The following PPP1R15B variants were observed in gnomAD, a reference collection of about 807,000 sequenced individuals.
PPP1R15B encodes the protein protein phosphatase 1, regulatory (inhibitor) subunit 15B.
Under a neutral mutation model 53.9 loss-of-function variants are expected in PPP1R15B, and 31 were observed. The observed-to-expected ratio is 0.58, with a 90% CI of 0.43 to 0.78. The LOEUF (loss-of-function observed/expected upper bound fraction) is 0.78. Ranked by LOEUF, PPP1R15B falls within the 30% of genes least tolerant of loss-of-function variation. The pLI is 0.00. For synonymous variants in PPP1R15B, 345 were observed against 329.1 expected (o/e 1.05, Z -0.52); for missense variants, 928 against 849.6 (o/e 1.09, Z -1.15).
rs990652180 is a variant in PPP1R15B at position 204,409,902 on chromosome 1, G to T, written c.1510C>A (p.Pro504Thr). The T allele has an allele frequency of 3.1e-6, 5 of 1,613,926 alleles. No individual in the cohort carries two copies. In the African/African-American group the frequency reaches 5.3e-5, roughly 17 times the overall value. The change falls in exon 1 of 2, where the codon CCT becomes ACT. Residue 504 changes from proline (P) to threonine (T), a missense_variant. Transcript: ENST00000367188. ...TTCTCTGAATCAGAAGGCTCTTCAG[G>T]AACAATTCTGGCAGCAGTCTGAATT... ...ATIQTAARIV[P>T]EEPSDSEKDL... is the part of the protein sequence containing the mutation.
In PPP1R15B at chr1:204,409,927, T is replaced by A; in HGVS notation, c.1485A>T (p.Thr495=). 1.2e-6 allele frequency: 2 copies of A among 1,614,108 alleles called. No homozygotes were observed. Among genetic ancestry groups the A allele is most frequent in the Non-Finnish European group, 1.7e-6 (2 of 1,180,020 alleles). ...GAACAATTCTGGCAGCAGTCTGAAT[T>A]GTTGCTGTAAAGTTCTGGGGATTAT... ...DPYNPQNFTA[T]IQTAARIVPE... is the part of the protein sequence containing the mutation. Residue 495 remains threonine (T), a synonymous_variant, in exon 1 of 2, where the codon ACA becomes ACT. Coordinates refer to ENST00000367188, the MANE Select transcript of PPP1R15B (RefSeq NM_032833.5).
chr1:204,400,844 T>A, downstream of PPP1R15B: 1 of 388,558 alleles, frequency 2.6e-6, no homozygotes, highest in Non-Finnish European at 3.5e-6. Context: ...GGAGGAAACA[T>A]AAAGGATATT....
At position 204,406,251 on chromosome 1, in the gene PPP1R15B, T is replaced by A; in HGVS notation, c.1983A>T (p.Pro661=). The part of the protein sequence containing the change: ...YISGDEDRKG[P]WEEFARDGCR... Reference sequence around the variant, plus strand: ...ATCCATCCCTTGCAAATTCTTCCCATGGTCCTTTGCGATCCTCATCACCAC... The same window carrying A: ...ATCCATCCCTTGCAAATTCTTCCCAAGGTCCTTTGCGATCCTCATCACCAC... Residue 661 remains proline, a synonymous_variant, in exon 2 of 2, where the codon CCA becomes CCT. Transcript: ENST00000367188. 6.2e-7 allele frequency: 1 copy of A among 1,614,182 alleles called. No individual in the cohort carries two copies. The highest frequency in any genetic ancestry group is 1.1e-5 in the South Asian group (1 of 91,086).
rs1674250122 is a variant in PPP1R15B, at chr1:204,405,533, A to T, written c.*559T>A. Reference sequence around the variant, plus strand: ...TCCAAGTCATTTTTACAAGAAAAAAAAAAGTGACACAAAATAATGCACTTT... The same window carrying T: ...TCCAAGTCATTTTTACAAGAAAAAATAAAGTGACACAAAATAATGCACTTT... On this transcript the variant is annotated 3_prime_UTR_variant, in exon 2 of 2. Coordinates refer to ENST00000367188, the MANE Select transcript of PPP1R15B (RefSeq NM_032833.5). The T allele has an allele frequency of 1.0e-6, 1 of 983,488 alleles. No homozygotes were observed. The highest frequency in any genetic ancestry group is 4.7e-5 in the South Asian group (1 of 21,256). 60.9% of individuals were successfully genotyped at this position (983,488 alleles called of 1,614,324 possible). A position where few individuals can be genotyped will look rare whatever the true frequency, so the allele number is the denominator to read the frequency against.
chr1:204,411,057 T>TG lies in PPP1R15B; in HGVS notation c.354dup (p.Thr119HisfsTer23). 2 of 1,614,120 alleles carry TG rather than the reference T, an allele frequency of 1.2e-6. No homozygotes were observed. The highest frequency in any genetic ancestry group is 1.7e-6 in the Non-Finnish European group (2 of 1,180,012). On this transcript the variant is annotated frameshift_variant, in exon 1 of 2. Coordinates refer to ENST00000367188, the MANE Select transcript of PPP1R15B (RefSeq NM_032833.5). LOFTEE classifies it high-confidence loss of function. Reference sequence around the variant, plus strand: ...AGCGAACTCAAAGATTTCTGCGCTGTGGGGGCGGCTGGTTTCTCCCGTCCC... The same window carrying TG: ...AGCGAACTCAAAGATTTCTGCGCTGTGGGGGGCGGCTGGTTTCTCCCGTCCC...
downstream of PPP1R15B, among the ~76,000 whole-genome samples, chr1:204,400,236 CAAA>C (rs369757663): frequency 2.4e-5 from 3 of 123,024 alleles, no homozygotes; most frequent in Admixed American, 8.3e-5. Flanking sequence ...GACACTGTCT[CAAA>C]AAAAAAAAAA....
chr1:204,405,778 T>C lies in PPP1R15B; in HGVS notation c.*314A>G. The stretch of plus-strand genomic sequence containing the variant: ...ATATTGTTTTCCAAGAAAATAAGTT[T>C]TGAAAGTGCAAAATGACAACTCAAA... On this transcript the variant is annotated 3_prime_UTR_variant, in exon 2 of 2. Transcript: ENST00000367188. The C allele has an allele frequency of 1.9e-6, 2 of 1,053,878 alleles. No individual in the cohort carries two copies. Among genetic ancestry groups the C allele is most frequent in the Non-Finnish European group, 2.3e-6 (2 of 871,808 alleles). 65.3% of individuals were successfully genotyped at this position (1,053,878 alleles called of 1,614,324 possible).
rs1353183050 is a variant in PPP1R15B at position 204,404,522 on chromosome 1, G to A, written c.*1570C>T. ...AAAAAACAAAAAACACACAGAATAA[G>A]GGCTCTGCAAAAATTTGACCAGCTT... On this transcript the variant is annotated 3_prime_UTR_variant, in exon 2 of 2. Coordinates refer to ENST00000367188, the MANE Select transcript of PPP1R15B (RefSeq NM_032833.5). The A allele has an allele frequency of 2.1e-5, 21 of 985,098 alleles. No individual in the cohort carries two copies. The highest frequency in any genetic ancestry group is 2.4e-5 in the Non-Finnish European group (20 of 829,554). The allele number at this position is 985,098 out of a possible 1,614,324, so 61.0% of individuals were successfully genotyped here. A position where few individuals can be genotyped will look rare whatever the true frequency, so the allele number is the denominator to read the frequency against.
chr1:204,403,862 T>C lies in PPP1R15B; in HGVS notation c.*2230A>G. 1.0e-6 allele frequency: 1 copy of C among 985,844 alleles called. No homozygotes were observed. The highest frequency in any genetic ancestry group is 1.2e-6 in the Non-Finnish European group (1 of 829,940). The allele number at this position is 985,844 out of a possible 1,614,324, so 61.1% of individuals were successfully genotyped here. ...TCCTTCTTATCACCTTCTGATCACT[T>C]CTTCCAAGGAGGCTAGTATATGGAA... On this transcript the variant is annotated 3_prime_UTR_variant, in exon 2 of 2. Transcript: ENST00000367188.
downstream of PPP1R15B, among the ~76,000 whole-genome samples, chr1:204,402,296 T>C (rs1030511339): frequency 6.6e-6 from 1 of 152,242 alleles, no homozygotes; most frequent in African/African-American, 2.4e-5. Context: ...TTTCATCCAT[T>C]AATAGGGTTG....
At chr1:204,402,605 G>A (rs1674196727), downstream of PPP1R15B, among the ~76,000 whole-genome samples, 2 of 151,428 alleles carry the variant, frequency 1.3e-5, no homozygotes. Flanking sequence ...TTTTTTTGTA[G>A]AGGAAAGTGT....
In PPP1R15B at chr1:204,405,565, G is replaced by C; in HGVS notation, c.*527C>G. ...ACACAAAATAATGCACTTTAAGTTG[G>C]TAGCATACACAAGGTTATTTTTTAG... On this transcript the variant is annotated 3_prime_UTR_variant, in exon 2 of 2. Coordinates refer to ENST00000367188, the MANE Select transcript of PPP1R15B (RefSeq NM_032833.5). The C allele has an allele frequency of 1.0e-6, 1 of 980,268 alleles. No homozygotes were observed. The allele number at this position is 980,268 out of a possible 1,614,324, so 60.7% of individuals were successfully genotyped here. A position where few individuals can be genotyped will look rare whatever the true frequency, so the allele number is the denominator to read the frequency against.
chr1:204,400,579 G>A (rs978414246), downstream of PPP1R15B: 22 of 174,190 alleles, frequency 1.3e-4, no homozygotes, highest in Admixed American at 5.9e-4. Context: ...TCCCACCTTG[G>A]CCTCCCAAAG....
rs148583191 is a variant in PPP1R15B at position 204,408,782 on chromosome 1, C to A, written c.1920+710G>T. 4.1e-3 allele frequency among the ~76,000 whole-genome samples: 623 copies of A among 152,278 alleles called. 5 individuals carry two copies. The highest frequency in any genetic ancestry group is 0.014 in the African/African-American group (602 of 41,526). On this transcript the variant is annotated intron_variant, in intron 1 of 1. Transcript: ENST00000367188. ...TTAAGACTAGCCTGGGAAAAGGAAG[C>A]AACTAGTCAAGATAAACCAAGTAAG...
rs530100705 is a variant in PPP1R15B at position 204,404,000 on chromosome 1, T to C, written c.*2092A>G. The C allele has an allele frequency of 8.1e-6, 8 of 985,296 alleles. No homozygotes were observed. The highest frequency in any genetic ancestry group is 9.6e-6 in the Non-Finnish European group (8 of 829,918). 61.0% of individuals were successfully genotyped at this position (985,296 alleles called of 1,614,324 possible). On this transcript the variant is annotated 3_prime_UTR_variant, in exon 2 of 2. Transcript: ENST00000367188. ...ATTATTTTCAAATACACAGAGGTGCTAGGTTTAAGAAACAGGAAACACAAC... is the reference window on the plus strand; with the variant it reads ...ATTATTTTCAAATACACAGAGGTGCCAGGTTTAAGAAACAGGAAACACAAC...
chr1:204,397,264 C>A (rs1248613468), downstream of PPP1R15B, among the ~76,000 whole-genome samples: 2 of 151,946 alleles, frequency 1.3e-5, no homozygotes, highest in Admixed American at 6.6e-5. Flanking sequence ...ATGGCTCACG[C>A]CTGTAATCCC....
In PPP1R15B at chr1:204,411,740, G is replaced by A. The variant is rs1437038884; in HGVS notation, c.-329C>T. The A allele has an allele frequency of 9.8e-6, 4 of 407,588 alleles. No homozygotes were observed. The highest frequency in any genetic ancestry group is 1.8e-5 in the Non-Finnish European group (4 of 223,474). The allele number at this position is 407,588 out of a possible 1,614,324, so 25.2% of individuals were successfully genotyped here. ...GGCGATGGTTTTCCGACTGACAGAGGGTTGAAAAGCCCCTGAGCAACGCGA... is the reference window on the plus strand; with the variant it reads ...GGCGATGGTTTTCCGACTGACAGAGAGTTGAAAAGCCCCTGAGCAACGCGA... On this transcript the variant is annotated 5_prime_UTR_variant, in exon 1 of 2. Coordinates refer to ENST00000367188, the MANE Select transcript of PPP1R15B (RefSeq NM_032833.5).
Position 204,403,480 on chromosome 1 carries a change from TTTAAA to T in PPP1R15B, c.*2607_*2611del, listed in dbSNP as rs1674213121. 9.0e-6 allele frequency: 8 copies of T among 886,040 alleles called. No homozygotes were observed. Among genetic ancestry groups the T allele is most frequent in the East Asian group, 1.2e-4 (1 of 8,366 alleles). 54.9% of individuals were successfully genotyped at this position (886,040 alleles called of 1,614,324 possible). A position where few individuals can be genotyped will look rare whatever the true frequency, so the allele number is the denominator to read the frequency against. On this transcript the variant is annotated 3_prime_UTR_variant, in exon 2 of 2. Coordinates refer to ENST00000367188, the MANE Select transcript of PPP1R15B (RefSeq NM_032833.5). ...AACTATAAAATCCCAACTAGTTACA[TTTAAA>T]TTATTGATCTGTAGAAGCCAATTTA...
Position 204,404,173 on chromosome 1 carries a change from T to C in PPP1R15B, c.*1919A>G. ...AGCCTGTTTTCATGTTATTAGACCA[T>C]CCTGTAAATGTGCTCCCTATGATTA... On this transcript the variant is annotated 3_prime_UTR_variant, in exon 2 of 2. Transcript: ENST00000367188. The C allele has an allele frequency of 2.0e-6, 2 of 985,400 alleles. No individual in the cohort carries two copies. Among genetic ancestry groups the C allele is most frequent in the Non-Finnish European group, 2.4e-6 (2 of 829,928 alleles). 61.0% of individuals were successfully genotyped at this position (985,400 alleles called of 1,614,324 possible).
Sources: gnomAD v4.1 joint callset for allele counts (sites outside exome capture counted in the v4.1 genomes callset) on GRCh38, gnomAD v4.1.1 for gene constraint, MANE v1.5 for transcripts, NCBI Gene and HGNC (gene_info 2026-07-23, HGNC 2026-07-21) for gene names.